LRRC4C: variants seen among roughly 807,000 people sequenced by gnomAD.
LRRC4C encodes leucine-rich repeat-containing protein 4C.
Under a neutral mutation model 33.6 loss-of-function variants are expected in LRRC4C, and 5 were observed. The ratio of observed to expected loss-of-function variants is 0.15; its 90% CI spans 0.08 to 0.31. The LOEUF is 0.31. LRRC4C is among the 10% of genes least tolerant of loss of function. The pLI is 1.00. For synonymous variants in LRRC4C, 329 were observed against 302.0 expected (o/e 1.09, Z -0.93); for missense variants, 560 against 796.7 (o/e 0.70, Z 3.58).
chr11:40,440,339 G>A (rs1159440812), intron 3 of LRRC4C, among the ~76,000 whole-genome samples: 1 of 140,782 alleles, frequency 7.1e-6, no homozygotes, highest in African/African-American at 2.7e-5. Context: ...TTCCTCCAAA[G>A]CTCCAAACTG....
chr11:40,775,316 A>G (rs1949943857), intron 2 of LRRC4C, among the ~76,000 whole-genome samples: 1 of 152,072 alleles, frequency 6.6e-6, no homozygotes, highest in Non-Finnish European at 1.5e-5. Flanking sequence ...AGGCTGAGGC[A>G]GGGGAATGGC....
chr11:40,166,038 C>T (rs1202110452), intron 5 of LRRC4C, among the ~76,000 whole-genome samples: 1 of 152,198 alleles, frequency 6.6e-6, no homozygotes, highest in East Asian at 1.9e-4. Context: ...CTGTTTGGCT[C>T]TCTTTAATAA....
chr11:40,352,509 T>C (rs2137095456), intron 3 of LRRC4C, among the ~76,000 whole-genome samples: 1 of 152,222 alleles, frequency 6.6e-6, no homozygotes, highest in South Asian at 2.1e-4. Flanking sequence ...GTGCACAATG[T>C]GCAGGTTAGT....
At chr11:40,271,425 C>T (rs756930619) in intron 4 of LRRC4C, among the ~76,000 whole-genome samples, 1 of 152,146 alleles carries the variant, frequency 6.6e-6, no homozygotes, top group African/African-American at 2.4e-5. Context: ...AAGTTCTTCC[C>T]TTCTAACTTA....
At chr11:40,688,861 G>A (rs542118131) in intron 2 of LRRC4C, among the ~76,000 whole-genome samples, 1 of 152,032 alleles carries the variant, frequency 6.6e-6, no homozygotes, top group African/African-American at 2.4e-5. Context: ...TTGCAAACCA[G>A]CTGGTGGAAG....
At chr11:41,075,943 GA>G (rs1341973874) in intron 1 of LRRC4C, among the ~76,000 whole-genome samples, 6 of 148,814 alleles carry the variant, frequency 4.0e-5, no homozygotes, top group African/African-American at 1.5e-4. Flanking sequence ...ATGGCTTCAG[GA>G]ACACCACTTC....
At chr11:41,031,482 T>C (rs933705302) in intron 1 of LRRC4C, among the ~76,000 whole-genome samples, 2 of 151,990 alleles carry the variant, frequency 1.3e-5, no homozygotes, top group African/African-American at 4.8e-5. Flanking sequence ...GATTATAATT[T>C]ACGCATGATG....
At position 40,571,081 on chromosome 11, in the gene LRRC4C, A is replaced by G. The variant is rs1361783384; in HGVS notation, c.-270+77061T>C. Among the ~76,000 whole-genome samples the G allele has an allele frequency of 2.6e-5, 4 of 152,120 alleles. No individual in the cohort carries two copies. In the East Asian group the frequency reaches 7.7e-4, roughly 29 times the overall value. On this transcript the variant is annotated intron_variant, in intron 3 of 6. Transcript: ENST00000528697. ...CTCTAATGTTCTCTCTTTTGTAGCTAAAGAGTTTTATGAATATATAACCAC... is the reference window on the plus strand; with the variant it reads ...CTCTAATGTTCTCTCTTTTGTAGCTGAAGAGTTTTATGAATATATAACCAC...
Position 40,374,375 on chromosome 11 carries a change from T to C in LRRC4C, c.-269-54654A>G, listed in dbSNP as rs116134925. Among the ~76,000 whole-genome samples, 1,155 of 152,326 alleles carry C rather than the reference T, an allele frequency of 7.6e-3. 14 individuals are homozygous for C. Among genetic ancestry groups the C allele is most frequent in the African/African-American group, 0.026 (1,073 of 41,568 alleles). ...CAGATACTGCGTTAGACTCTGAAGA[T>C]ACAGAGATGCATGAAAAATACTTAT... On this transcript the variant is annotated intron_variant, in intron 3 of 6. Transcript: ENST00000528697.
intron 6 of LRRC4C, among the ~76,000 whole-genome samples, chr11:40,125,221 C>T (rs946126373): frequency 3.9e-5 from 6 of 152,024 alleles, no homozygotes; most frequent in African/African-American, 1.2e-4. Flanking sequence ...TTTTTTCTCC[C>T]ACTAATAAGA....
intron 3 of LRRC4C, among the ~76,000 whole-genome samples, chr11:40,497,412 A>AG (rs1954521701): frequency 6.6e-6 from 1 of 152,052 alleles, no homozygotes; most frequent in Admixed American, 6.6e-5. Context: ...TAAAAAAAAA[A>AG]GTCATGAATT....
chr11:40,707,148 A>G (rs1421224535), intron 2 of LRRC4C, among the ~76,000 whole-genome samples: 2 of 152,196 alleles, frequency 1.3e-5, no homozygotes, highest in Non-Finnish European at 2.9e-5. Context: ...CAATCATGTC[A>G]TCTGCAAACA....
At chr11:40,708,820 C>T (rs1292042124) in intron 2 of LRRC4C, among the ~76,000 whole-genome samples, 1 of 151,992 alleles carries the variant, frequency 6.6e-6, no homozygotes, top group African/African-American at 2.4e-5. Flanking sequence ...TTAAAATCTC[C>T]CATTATTATT....
chr11:40,658,647 T>C (rs1451762875), intron 2 of LRRC4C, among the ~76,000 whole-genome samples: 1 of 152,160 alleles, frequency 6.6e-6, no homozygotes, highest in African/African-American at 2.4e-5. Flanking sequence ...GAAGAAATTG[T>C]ATTCTCAGGA....
At chr11:40,258,165 C>T (rs1464127474) in intron 4 of LRRC4C, among the ~76,000 whole-genome samples, 1 of 152,240 alleles carries the variant, frequency 6.6e-6, no homozygotes, top group East Asian at 1.9e-4. Flanking sequence ...GGTACAACTG[C>T]AGTAGGGAAA....
chr11:40,202,632 T>C (rs1343218643), intron 5 of LRRC4C, among the ~76,000 whole-genome samples: 1 of 152,190 alleles, frequency 6.6e-6, no homozygotes, highest in Admixed American at 6.5e-5. Context: ...TCTGTAAGGA[T>C]GACAGCAGTT....
At chr11:40,828,681 C>T (rs1198728682) in intron 2 of LRRC4C, among the ~76,000 whole-genome samples, 1 of 151,836 alleles carries the variant, frequency 6.6e-6, no homozygotes, top group East Asian at 1.9e-4. Flanking sequence ...TCTGGCTCTA[C>T]CACTACCTCC....
chr11:40,616,458 T>C (rs10837447), intron 3 of LRRC4C, among the ~76,000 whole-genome samples: 74,927 of 150,534 alleles, frequency 0.5, 18,972 homozygotes, highest in East Asian at 0.73. Flanking sequence ...GACACATGCA[T>C]GCATATGTTT....
chr11:40,158,504 A>C (rs1858895721), intron 5 of LRRC4C, among the ~76,000 whole-genome samples: 1 of 152,044 alleles, frequency 6.6e-6, no homozygotes, highest in Non-Finnish European at 1.5e-5. Flanking sequence ...AGAACAAAAC[A>C]AATTTTAGGA....
Sources: gnomAD v4.1 joint callset for allele counts (sites outside exome capture counted in the v4.1 genomes callset) on GRCh38, gnomAD v4.1.1 for gene constraint, MANE v1.5 for transcripts, NCBI Gene and HGNC (gene_info 2026-07-23, HGNC 2026-07-21) for gene names.